Variants in ABCB11 observed in about 807,000 individuals in gnomAD.
The protein encoded by ABCB11 is ATP binding cassette subfamily B member 11.
A neutral mutation model predicts 148.0 loss-of-function variants in ABCB11; 95 were observed. That is an observed-to-expected ratio of 0.64 (90% confidence interval 0.54 to 0.76). ABCB11 has a LOEUF of 0.76. Among genes scored for constraint, ABCB11 ranks in the 30% least tolerant of loss-of-function variants. The pLI, the probability that ABCB11 is intolerant of heterozygous loss-of-function variation, is 0.00. For synonymous variants in ABCB11, 591 were observed against 555.4 expected, an observed-to-expected ratio of 1.06 and a Z score of -0.90; for missense variants, 1,523 against 1,617.8, an observed-to-expected ratio of 0.94 and a Z score of 1.01.
At chr2:168,970,298 A>G in intron 14 of ABCB11, 83 bp from the exon 15 acceptor site, 1 of 1,552,238 alleles carries the variant, frequency 6.4e-7, no homozygotes, top group Admixed American at 2.0e-5. Flanking sequence ...CCTTTCTGTC[A>G]TAGTTTTCTT....
chr2:168,985,441 G>C (rs951517356), intron 10 of ABCB11, among the ~76,000 whole-genome samples: 1 of 152,084 alleles, frequency 6.6e-6, no homozygotes, highest in African/African-American at 2.4e-5. Context: ...AGAGATACTT[G>C]CACACGCATG....
In ABCB11 at chr2:168,927,255, A is replaced by G. The variant is rs755107806; in HGVS notation, c.3519T>C (p.Asn1173=). 3.3e-5 allele frequency: 53 copies of G among 1,613,850 alleles called. No homozygotes were observed. Among genetic ancestry groups the G allele is most frequent in the Non-Finnish European group, 4.5e-5 (53 of 1,179,788 alleles). ...CTTTGGTGTTGTCTCCATACTTGATATTGTCCATTATGCTACAGGCAAACA... is the reference window on the plus strand; with the variant it reads ...CTTTGGTGTTGTCTCCATACTTGATGTTGTCCATTATGCTACAGGCAAACA... The part of the protein sequence containing the change: ...PVLFACSIMD[N]IKYGDNTKEI... The change falls in exon 26 of 28, where the codon AAT becomes AAC. Residue 1173 remains asparagine, a synonymous_variant. Coordinates refer to ENST00000650372, the MANE Select transcript of ABCB11 (RefSeq NM_003742.4).
intron 10 of ABCB11, among the ~76,000 whole-genome samples, chr2:168,982,678 C>T (rs1353329834): frequency 6.6e-6 from 1 of 152,062 alleles, no homozygotes; most frequent in African/African-American, 2.4e-5. Flanking sequence ...TTAACCAAAC[C>T]GTTAATTAGT....
intron 17 of ABCB11, among the ~76,000 whole-genome samples, chr2:168,964,627 C>T (rs1255338536): frequency 1.3e-5 from 2 of 151,776 alleles, no homozygotes; most frequent in African/African-American, 4.8e-5. Context: ...CAAATACTTT[C>T]CAAACCCACA....
intron 1 of ABCB11, among the ~76,000 whole-genome samples, chr2:169,022,531 C>T (rs2106068136): frequency 6.6e-6 from 1 of 151,872 alleles, no homozygotes; most frequent in East Asian, 1.9e-4. Context: ...AAAGTAATGG[C>T]TATTAAAATA....
chr2:168,932,010 T>C (rs1314271074), intron 24 of ABCB11, among the ~76,000 whole-genome samples: 1 of 152,092 alleles, frequency 6.6e-6, no homozygotes. Flanking sequence ...TTTATTTATT[T>C]ATTTATTTTA....
chr2:168,968,164 A>G (rs149177034), intron 17 of ABCB11, among the ~76,000 whole-genome samples: 133 of 151,972 alleles, frequency 8.8e-4, no homozygotes, highest in African/African-American at 3.0e-3. Context: ...TCTAAGCTCA[A>G]TACACAACAA....
At chr2:168,964,647 T>A (rs1476668035) in intron 17 of ABCB11, among the ~76,000 whole-genome samples, 1 of 151,858 alleles carries the variant, frequency 6.6e-6, no homozygotes, top group African/African-American at 2.4e-5. Context: ...ATGGTTCTGC[T>A]AATTGCTGCC....
At chr2:168,951,646 G>C (rs1692575988) in intron 19 of ABCB11, among the ~76,000 whole-genome samples, 1 of 151,472 alleles carries the variant, frequency 6.6e-6, no homozygotes, top group Admixed American at 6.6e-5. Context: ...AAGAGTTTTT[G>C]GTGAAGTCTT....
In ABCB11 at chr2:169,005,410, T is replaced by C. The variant is rs545307700; in HGVS notation, c.389+7862A>G. ...GATGGGGGTGTGGTTCTCAGTCCAATGGAGTTATGTTCCCAGGAGGATTAT... is the reference window on the plus strand; with the variant it reads ...GATGGGGGTGTGGTTCTCAGTCCAACGGAGTTATGTTCCCAGGAGGATTAT... On this transcript the variant is annotated intron_variant, in intron 5 of 27. Transcript: ENST00000650372. 5.9e-5 allele frequency among the ~76,000 whole-genome samples: 9 copies of C among 152,138 alleles called. No individual in the cohort carries two copies. In the South Asian group the frequency reaches 1.9e-3, roughly 32 times the overall value.
intron 5 of ABCB11, among the ~76,000 whole-genome samples, chr2:169,003,559 G>A (rs999613605): frequency 6.6e-6 from 1 of 151,870 alleles, no homozygotes; most frequent in Non-Finnish European, 1.5e-5. Context: ...ACATATACAA[G>A]TATCTTTTTT....
At chr2:169,020,481 C>G (rs974469621) in intron 1 of ABCB11, among the ~76,000 whole-genome samples, 3 of 151,838 alleles carry the variant, frequency 2.0e-5, no homozygotes, top group Admixed American at 1.3e-4. Context: ...CTAAAAAAAG[C>G]ATAACAAACA....
At chr2:168,961,889 G>T (rs1693095295) in intron 18 of ABCB11, among the ~76,000 whole-genome samples, 1 of 151,644 alleles carries the variant, frequency 6.6e-6, no homozygotes, top group Admixed American at 6.6e-5. Flanking sequence ...CCAATCTACA[G>T]AAAGTAAGGT....
intron 10 of ABCB11, among the ~76,000 whole-genome samples, chr2:168,980,484 C>G (rs1309474479): frequency 6.6e-6 from 1 of 152,172 alleles, no homozygotes; most frequent in Non-Finnish European, 1.5e-5. Flanking sequence ...GGGCTAACTA[C>G]TGCAACTACT....
At chr2:168,973,898 T>C in intron 12 of ABCB11, 58 bp from the exon 13 acceptor site, 10 of 1,589,296 alleles carry the variant, frequency 6.3e-6, no homozygotes, top group Non-Finnish European at 7.7e-6. Flanking sequence ...AATCAAACAA[T>C]TAGGCTACAG....
intron 5 of ABCB11, among the ~76,000 whole-genome samples, chr2:169,002,325 A>T (rs1234473070): frequency 6.6e-6 from 1 of 152,192 alleles, no homozygotes; most frequent in Non-Finnish European, 1.5e-5. Flanking sequence ...ATGTGGAAAA[A>T]AGGGAACACT....
chr2:168,996,703 C>T lies in ABCB11; in HGVS notation c.409G>A (p.Glu137Lys), dbSNP rs1026511416. The T allele has an allele frequency of 3.2e-6, 5 of 1,563,264 alleles. No homozygotes were observed. Among genetic ancestry groups the T allele is most frequent in the Non-Finnish European group, 3.5e-6 (4 of 1,151,392 alleles). ...TRCGLLNIESEMIKFASYYAG... is the reference protein window; with the variant it reads ...TRCGLLNIESKMIKFASYYAG... Reference sequence around the variant, plus strand: ...TAGTAACTGGCAAATTTGATCATTTCGCTCTCGATGTTCAGCAACCTTCAA... The same window carrying T: ...TAGTAACTGGCAAATTTGATCATTTTGCTCTCGATGTTCAGCAACCTTCAA... Residue 137 changes from glutamate to lysine, a missense_variant, in exon 6 of 28, where the codon GAA becomes AAA. By Grantham distance (56) the Glu-to-Lys change is moderately conservative. Transcript: ENST00000650372.
rs1692301889 is a variant in ABCB11 at position 168,946,258 on chromosome 2, TAG to T, written c.2344-1299_2344-1298del. ...GAGTCATTAAAACAGTGTCAACAAA[TAG>T]TTGTTCAAAGGAGACCATTTATTCA... On this transcript the variant is annotated intron_variant, in intron 19 of 27. Coordinates refer to ENST00000650372, the MANE Select transcript of ABCB11 (RefSeq NM_003742.4). Among the ~76,000 whole-genome samples the T allele has an allele frequency of 2.0e-5, 3 of 151,984 alleles. No individual in the cohort carries two copies. In the South Asian group the frequency reaches 6.2e-4, roughly 32 times the overall value.
At chr2:168,925,084 A>G (rs1399414070) in intron 26 of ABCB11, among the ~76,000 whole-genome samples, 1 of 152,222 alleles carries the variant, frequency 6.6e-6, no homozygotes, top group Admixed American at 6.5e-5. Context: ...CTGTGTCCAC[A>G]TAAGAGCCCA....
Sources: allele counts gnomAD v4.1 joint callset (sites outside exome capture counted in the v4.1 genomes callset), GRCh38; gene constraint gnomAD v4.1.1; transcripts MANE v1.5; gene names NCBI Gene and HGNC (gene_info 2026-07-23, HGNC 2026-07-21).